Variants in GSTCD observed in about 807,000 individuals in gnomAD.
The protein encoded by GSTCD is glutathione S-transferase C-terminal domain-containing protein.
GSTCD carries 44 observed loss-of-function variants against 68.3 expected under a neutral mutation model. The observed-to-expected ratio is 0.64, with a 90% confidence interval of 0.51 to 0.83. The LOEUF is 0.83. Among genes scored for constraint, GSTCD ranks in the 40% least tolerant of loss-of-function variants. The pLI, the probability that GSTCD is intolerant of heterozygous loss-of-function variation, is 0.00. For synonymous variants in GSTCD, 273 were observed against 255.2 expected (o/e 1.07, Z -0.67); for missense variants, 739 against 735.9 (o/e 1.00, Z -0.05).
chr4:105,828,762 GT>G (rs1477243948), intron 8 of GSTCD, among the ~76,000 whole-genome samples: 3 of 152,178 alleles, frequency 2.0e-5, no homozygotes, highest in Non-Finnish European at 2.9e-5. Flanking sequence ...TCCCAGAAAA[GT>G]TTGGGAATTC....
At chr4:105,799,746 T>C (rs1465567375) in intron 5 of GSTCD, among the ~76,000 whole-genome samples, 2 of 150,342 alleles carry the variant, frequency 1.3e-5, no homozygotes, top group East Asian at 3.9e-4. Flanking sequence ...TACCAAAATG[T>C]GACACAGAAA....
intron 8 of GSTCD, among the ~76,000 whole-genome samples, chr4:105,828,318 A>G: frequency 6.6e-6 from 1 of 152,216 alleles, no homozygotes; most frequent in East Asian, 1.9e-4. Flanking sequence ...TTAGTGTACA[A>G]TTAAAAGAAG....
At chr4:105,823,343 T>G in intron 7 of GSTCD, 68 bp downstream of exon 7, 1 of 1,417,212 alleles carries the variant, frequency 7.1e-7, no homozygotes, top group Non-Finnish European at 1.0e-6. Context: ...CAAATTTGGT[T>G]TATCCCGCTC....
rs746993481 is a variant in GSTCD, at chr4:105,834,538, A to T, written c.1608A>T (p.Thr536=). 4.3e-6 allele frequency: 7 copies of T among 1,614,180 alleles called. No homozygotes were observed. The highest frequency in any genetic ancestry group is 5.9e-6 in the Non-Finnish European group (7 of 1,180,012). The change falls in exon 9 of 12, where the codon ACA becomes ACT. Residue 536 remains threonine, a synonymous_variant. Coordinates refer to ENST00000515279, the MANE Select transcript of GSTCD (RefSeq NM_001370181.1). ...TCAAAACACGGGCTTCCTTCGTCAC[A>T]TGCCCTTGCTGTTATGGTTTCATTC... ...HCIKTRASFV[T]CPCCYGFIQN... is the part of the protein sequence containing the mutation.
intron 5 of GSTCD, among the ~76,000 whole-genome samples, chr4:105,758,440 G>A (rs114293794): frequency 0.11 from 16,356 of 152,108 alleles, 1,151 homozygotes; most frequent in African/African-American, 0.19. Context: ...ACGAGATATG[G>A]TGGTTTAAAA....
intron 5 of GSTCD, among the ~76,000 whole-genome samples, chr4:105,742,356 C>A (rs1048882837): frequency 6.6e-6 from 1 of 152,124 alleles, no homozygotes; most frequent in African/African-American, 2.4e-5. Context: ...CTTCCCACTC[C>A]CCTTGCTAGT....
intron 5 of GSTCD, among the ~76,000 whole-genome samples, chr4:105,763,065 A>G (rs560880149): frequency 2.0e-4 from 31 of 152,314 alleles, no homozygotes; most frequent in African/African-American, 7.2e-4. Context: ...TTTTTGTACC[A>G]TATGAAAGCT....
chr4:105,818,080 A>G (rs1397093875), intron 5 of GSTCD, among the ~76,000 whole-genome samples: 1 of 151,878 alleles, frequency 6.6e-6, no homozygotes, highest in African/African-American at 2.4e-5. Context: ...CAGTTCCAGG[A>G]AAAAATATTC....
chr4:105,794,489 G>C (rs1329911656), intron 5 of GSTCD, among the ~76,000 whole-genome samples: 3 of 151,974 alleles, frequency 2.0e-5, no homozygotes, highest in Non-Finnish European at 4.4e-5. Flanking sequence ...AATGAGAAAG[G>C]CTGTCAAGGG....
chr4:105,803,983 T>A (rs11731938), intron 5 of GSTCD, among the ~76,000 whole-genome samples: 6,757 of 152,086 alleles, frequency 0.044, 204 homozygotes, highest in Middle Eastern at 0.13. Flanking sequence ...AAAATACTAC[T>A]AATTTTTTGT....
intron 5 of GSTCD, 26 bp downstream of exon 5, chr4:105,729,525 T>G: frequency 4.1e-6 from 6 of 1,466,772 alleles, no homozygotes; most frequent in Non-Finnish European, 5.7e-6. Context: ...TCTTTAAGTT[T>G]TATTCATACT....
intron 1 of GSTCD, among the ~76,000 whole-genome samples, chr4:105,716,635 C>T (rs2149203765): frequency 6.6e-6 from 1 of 152,312 alleles, no homozygotes; most frequent in African/African-American, 2.4e-5. Context: ...GAATCTAATG[C>T]CTGATGATCT....
chr4:105,818,740 C>CA (rs1320554936), intron 5 of GSTCD, among the ~76,000 whole-genome samples: 1 of 151,634 alleles, frequency 6.6e-6, no homozygotes, highest in Non-Finnish European at 1.5e-5. Flanking sequence ...AGGGGTATAA[C>CA]AAGGGAAGAG....
At chr4:105,762,494 G>T (rs889876529) in intron 5 of GSTCD, among the ~76,000 whole-genome samples, 1 of 152,168 alleles carries the variant, frequency 6.6e-6, no homozygotes, top group African/African-American at 2.4e-5. Flanking sequence ...TACCTGACCT[G>T]GTTCATGTGT....
At chr4:105,715,920 A>C (rs1732667380) in intron 1 of GSTCD, among the ~76,000 whole-genome samples, 1 of 152,130 alleles carries the variant, frequency 6.6e-6, no homozygotes, top group Non-Finnish European at 1.5e-5. Context: ...TTAGAACATT[A>C]GGAATTTTTG....
chr4:105,797,801 G>C (rs1490620840), intron 5 of GSTCD, among the ~76,000 whole-genome samples: 3 of 116,018 alleles, frequency 2.6e-5, no homozygotes, highest in African/African-American at 1.1e-4. Flanking sequence ...TTGAGACAGA[G>C]TCTTGCCCTA....
intron 5 of GSTCD, among the ~76,000 whole-genome samples, chr4:105,774,851 G>A (rs1734991425): frequency 6.6e-6 from 1 of 152,132 alleles, no homozygotes; most frequent in Non-Finnish European, 1.5e-5. Flanking sequence ...TTCTTGAGGA[G>A]TACCTTTGTG....
intron 11 of GSTCD, 118 bp from the exon 12 acceptor site, chr4:105,845,323 G>A: frequency 2.9e-6 from 3 of 1,030,596 alleles, no homozygotes; most frequent in South Asian, 3.3e-5. Context: ...AGACTTAGGG[G>A]TACAAAGCAT....
At chr4:105,815,093 T>C (rs1387532950) in intron 5 of GSTCD, 2 of 152,216 alleles carry the variant, frequency 1.3e-5, no homozygotes, top group Non-Finnish European at 2.9e-5. Flanking sequence ...GCCAATATTA[T>C]GGTATCTGTC....
Sources: gnomAD v4.1 joint callset for allele counts (sites outside exome capture counted in the v4.1 genomes callset) on GRCh38, gnomAD v4.1.1 for gene constraint, MANE v1.5 for transcripts, NCBI Gene and HGNC (gene_info 2026-07-23, HGNC 2026-07-21) for gene names.